The following ELMO1 variants were observed in gnomAD, a reference collection of about 807,000 sequenced individuals.
The protein encoded by ELMO1 is engulfment and cell motility protein 1.
ELMO1 carries 26 observed loss-of-function variants against 98.9 expected under a neutral mutation model. The observed-to-expected ratio is 0.26, with a 90% CI of 0.19 to 0.36. ELMO1 has a LOEUF of 0.36. Among genes scored for constraint, ELMO1 ranks in the 10% least tolerant of loss-of-function variants. ELMO1 has a pLI of 1.00. For synonymous variants in ELMO1, 346 were observed against 346.0 expected, an observed-to-expected ratio of 1.00 and a Z score of 0.00; for missense variants, 627 against 935.2, an observed-to-expected ratio of 0.67 and a Z score of 4.30.
At chr7:37,290,939 G>A (rs961866052) in intron 4 of ELMO1, among the ~76,000 whole-genome samples, 1 of 152,088 alleles carries the variant, frequency 6.6e-6, no homozygotes, top group African/African-American at 2.4e-5. Flanking sequence ...CTGAAGAAGA[G>A]AAGAGAAAGA....
intron 13 of ELMO1, among the ~76,000 whole-genome samples, chr7:37,160,371 G>A (rs1789118009): frequency 6.6e-6 from 1 of 152,166 alleles, no homozygotes; most frequent in African/African-American, 2.4e-5. Context: ...TTCCTGAACA[G>A]ACCTGGAGCA....
At position 37,005,125 on chromosome 7, in the gene ELMO1, A is replaced by AAG. The variant is rs533231543; in HGVS notation, c.1437+8173_1437+8174insCT. Among the ~76,000 whole-genome samples the AAG allele has an allele frequency of 4.4e-3, 657 of 149,404 alleles. 8 individuals carry two copies. The highest frequency in any genetic ancestry group is 0.04 in the East Asian group (195 of 4,914). On this transcript the variant is annotated intron_variant, in intron 16 of 21. Transcript: ENST00000310758. ...TCTGTCTCAAAAAAAAAAAAAAAAA[A>AAG]AAAAAAAGAAAAAAAGAAAATTACA...
chr7:37,190,520 C>T (rs1214228656), intron 13 of ELMO1, among the ~76,000 whole-genome samples: 1 of 152,040 alleles, frequency 6.6e-6, no homozygotes, highest in Non-Finnish European at 1.5e-5. Flanking sequence ...TATTTAGAGA[C>T]AAAGTCTCAC....
chr7:37,055,258 T>C (rs983625811), intron 15 of ELMO1, among the ~76,000 whole-genome samples: 21 of 152,194 alleles, frequency 1.4e-4, no homozygotes, highest in African/African-American at 4.8e-4. Context: ...CAACAGAATA[T>C]ACAGTGAAGA....
intron 16 of ELMO1, among the ~76,000 whole-genome samples, chr7:36,973,199 A>G (rs1042369582): frequency 3.9e-5 from 6 of 152,246 alleles, no homozygotes; most frequent in Admixed American, 3.3e-4. Flanking sequence ...AAGCCAGAGC[A>G]TGGTGCAGGC....
chr7:37,309,591 G>A (rs1798793717), intron 4 of ELMO1, among the ~76,000 whole-genome samples: 1 of 152,208 alleles, frequency 6.6e-6, no homozygotes, highest in Non-Finnish European at 1.5e-5. Context: ...GTTGTATAGG[G>A]TATTTGGCTG....
At chr7:36,970,010 T>G (rs1228472237) in intron 16 of ELMO1, among the ~76,000 whole-genome samples, 1 of 152,146 alleles carries the variant, frequency 6.6e-6, no homozygotes, top group East Asian at 1.9e-4. Context: ...ATACCGATAG[T>G]AAAAATATGT....
intron 1 of ELMO1, among the ~76,000 whole-genome samples, chr7:37,350,824 G>C (rs1332511766): frequency 6.6e-6 from 1 of 152,160 alleles, no homozygotes; most frequent in Non-Finnish European, 1.5e-5. Context: ...TTTAAGAGGA[G>C]GAAATCTGAA....
intron 7 of ELMO1, among the ~76,000 whole-genome samples, chr7:37,243,894 C>A (rs1794872685): frequency 6.6e-6 from 1 of 152,182 alleles, no homozygotes; most frequent in Non-Finnish European, 1.5e-5. Context: ...TGATCGAGCA[C>A]TTTCTCAGAC....
chr7:36,899,526 T>A (rs929628236), intron 16 of ELMO1, among the ~76,000 whole-genome samples: 22 of 152,074 alleles, frequency 1.4e-4, no homozygotes, highest in Non-Finnish European at 5.9e-5. Context: ...TCTACATTAG[T>A]AGCTTTTGGC....
intron 1 of ELMO1, among the ~76,000 whole-genome samples, chr7:37,427,001 T>C (rs1804736899): frequency 6.6e-6 from 1 of 150,632 alleles, no homozygotes; most frequent in African/African-American, 2.4e-5. Context: ...GCTAAAAAGA[T>C]TCTACGTCTT....
intron 13 of ELMO1, among the ~76,000 whole-genome samples, chr7:37,195,128 G>A (rs1791885996): frequency 6.6e-6 from 1 of 152,176 alleles, no homozygotes; most frequent in Non-Finnish European, 1.5e-5. Context: ...CCTGTGTCTA[G>A]TCTAAGAATA....
At chr7:36,859,893 T>TCCA (rs756050054) in intron 21 of ELMO1, among the ~76,000 whole-genome samples, 20 of 152,074 alleles carry the variant, frequency 1.3e-4, no homozygotes, top group Non-Finnish European at 2.8e-4. Context: ...TGCTTCCCCT[T>TCCA]CCACCTCTTC....
At chr7:37,369,904 T>TCTG (rs1193546946) in intron 1 of ELMO1, among the ~76,000 whole-genome samples, 2 of 152,206 alleles carry the variant, frequency 1.3e-5, no homozygotes, top group African/African-American at 4.8e-5. Flanking sequence ...GACGTCTCCC[T>TCTG]ACTCCTTCTG....
chr7:36,909,638 T>C (rs1728766209), intron 16 of ELMO1, among the ~76,000 whole-genome samples: 1 of 152,256 alleles, frequency 6.6e-6, no homozygotes, highest in South Asian at 2.1e-4. Flanking sequence ...AAAGACTGAT[T>C]AAATGCTGAA....
chr7:37,118,763 A>C (rs973405823), intron 14 of ELMO1, among the ~76,000 whole-genome samples: 2 of 152,224 alleles, frequency 1.3e-5, no homozygotes, highest in Non-Finnish European at 2.9e-5. Flanking sequence ...GCAGTCAGCC[A>C]TAATACAAGA....
chr7:37,118,369 CT>C (rs1263116844), intron 14 of ELMO1, among the ~76,000 whole-genome samples: 1 of 152,124 alleles, frequency 6.6e-6, no homozygotes, highest in East Asian at 1.9e-4. Context: ...ACTCGTGTGA[CT>C]TTTTTCTTTA....
At chr7:37,200,301 G>C (rs975229858) in intron 13 of ELMO1, among the ~76,000 whole-genome samples, 3 of 133,888 alleles carry the variant, frequency 2.2e-5, no homozygotes, top group African/African-American at 8.7e-5. Flanking sequence ...GGCTAGTCTT[G>C]AACTCCTGGC....
At chr7:37,183,428 G>T (rs1381165830) in intron 13 of ELMO1, among the ~76,000 whole-genome samples, 1 of 152,218 alleles carries the variant, frequency 6.6e-6, no homozygotes, top group Non-Finnish European at 1.5e-5. Context: ...GGAAGAGGCA[G>T]GGGGAGAAGA....
Sources: allele counts gnomAD v4.1 joint callset (sites outside exome capture counted in the v4.1 genomes callset), GRCh38; gene constraint gnomAD v4.1.1; transcripts MANE v1.5; gene names NCBI Gene and HGNC (gene_info 2026-07-23, HGNC 2026-07-21).